ZNG1E: variants seen among roughly 807,000 people sequenced by gnomAD.
The protein encoded by ZNG1E is zinc-regulated GTPase metalloprotein activator 1E.
chr9:65,731,601 G>A, the ZNG1E span: 1 of 1,571,454 alleles, frequency 6.4e-7, no homozygotes, highest in East Asian at 2.2e-5. Context: ...TTACTATAAA[G>A]AATTATTATT....
At chr9:65,678,941 A>C in the ZNG1E span, among the ~76,000 whole-genome samples, 1 of 136,554 alleles carries the variant, frequency 7.3e-6, no homozygotes, top group Admixed American at 7.7e-5. Flanking sequence ...AACTGTTTCA[A>C]CTTGTAGGAG....
the ZNG1E span, among the ~76,000 whole-genome samples, chr9:65,721,032 A>C: frequency 6.6e-6 from 1 of 150,684 alleles, no homozygotes; most frequent in African/African-American, 2.5e-5. Context: ...ATAGTTGAAC[A>C]TGAAGCACAT....
At chr9:65,687,828 T>C in the ZNG1E span, among the ~76,000 whole-genome samples, 1 of 150,778 alleles carries the variant, frequency 6.6e-6, no homozygotes, top group Non-Finnish European at 1.5e-5. Context: ...GCCTGAGAGT[T>C]TTCTTCTTTA....
the ZNG1E span, among the ~76,000 whole-genome samples, chr9:65,657,731 A>G: frequency 6.6e-6 from 1 of 152,282 alleles, no homozygotes; most frequent in Non-Finnish European, 1.5e-5. Flanking sequence ...CATGTTAGTT[A>G]CACAAAAAAA....
chr9:65,717,991 C>T, the ZNG1E span, among the ~76,000 whole-genome samples: 10 of 143,016 alleles, frequency 7.0e-5, no homozygotes, highest in Admixed American at 3.5e-4. Flanking sequence ...TTGGCCTTTT[C>T]TTTTTTTTAT....
chr9:65,664,691 A>T, the ZNG1E span, among the ~76,000 whole-genome samples: 1 of 151,892 alleles, frequency 6.6e-6, no homozygotes, highest in African/African-American at 2.4e-5. Flanking sequence ...CAACAAGCAG[A>T]GGTTGGAACA....
At chr9:65,657,966 G>A in the ZNG1E span, among the ~76,000 whole-genome samples, 3 of 152,272 alleles carry the variant, frequency 2.0e-5, no homozygotes, top group African/African-American at 4.8e-5. Flanking sequence ...GGGCATGGCG[G>A]CTCATTCCTG....
chr9:65,714,988 TC>T, the ZNG1E span, among the ~76,000 whole-genome samples: 1 of 149,864 alleles, frequency 6.7e-6, no homozygotes, highest in African/African-American at 2.5e-5. Context: ...CGGGCGCCCC[TC>T]CCCCAGCCTC....
At chr9:65,717,312 A>G in the ZNG1E span, among the ~76,000 whole-genome samples, 1 of 149,410 alleles carries the variant, frequency 6.7e-6, no homozygotes, top group Non-Finnish European at 1.5e-5. Flanking sequence ...GTTCATTTAA[A>G]AATGGTCTTT....
chr9:65,712,720 T>C, the ZNG1E span, among the ~76,000 whole-genome samples: 4 of 125,172 alleles, frequency 3.2e-5, no homozygotes, highest in Admixed American at 2.5e-4. Flanking sequence ...GTCTGAGAGA[T>C]AGTTTGTTAT....
chr9:65,691,084 T>G, the ZNG1E span: 3,126 of 1,591,774 alleles, frequency 2.0e-3, 7 homozygotes, highest in African/African-American at 0.014. Context: ...TTTTGTTTTT[T>G]TTTTTCTGAG....
chr9:65,662,983 C>T, the ZNG1E span, among the ~76,000 whole-genome samples: 190 of 152,284 alleles, frequency 1.2e-3, no homozygotes, highest in African/African-American at 4.3e-3. Context: ...CTGGTTATTA[C>T]TCTGCTCATT....
At chr9:65,656,735 G>A in the ZNG1E span, among the ~76,000 whole-genome samples, 1 of 152,290 alleles carries the variant, frequency 6.6e-6, no homozygotes, top group South Asian at 2.1e-4. Context: ...AAATTTATGG[G>A]AACATTTATA....
the ZNG1E span, among the ~76,000 whole-genome samples, chr9:65,659,432 T>C: frequency 1.3e-5 from 2 of 150,392 alleles, no homozygotes; most frequent in African/African-American, 4.9e-5. Flanking sequence ...GAGGTGGAGG[T>C]TGCAGTGAGC....
the ZNG1E span, among the ~76,000 whole-genome samples, chr9:65,680,933 T>C: frequency 0.02 from 2,696 of 137,028 alleles, 14 homozygotes; most frequent in African/African-American, 0.058. Flanking sequence ...GGACTACAGG[T>C]GCCCGCTACC....
chr9:65,690,978 T>C, the ZNG1E span: 4 of 1,604,098 alleles, frequency 2.5e-6, no homozygotes, highest in South Asian at 3.3e-5. Flanking sequence ...TGCAGTGACT[T>C]CTATGTTTTG....
chr9:65,667,890 G>A, the ZNG1E span, among the ~76,000 whole-genome samples: 562 of 133,452 alleles, frequency 4.2e-3, no homozygotes, highest in African/African-American at 0.015. Context: ...CAGCTACTTG[G>A]GAGGCTGAGG....
chr9:65,684,719 G>A, the ZNG1E span, among the ~76,000 whole-genome samples: 236 of 150,406 alleles, frequency 1.6e-3, no homozygotes, highest in African/African-American at 5.5e-3. Context: ...CTACTGAATC[G>A]GAATCTCTAA....
the ZNG1E span, among the ~76,000 whole-genome samples, chr9:65,662,089 G>A: frequency 6.6e-5 from 10 of 152,224 alleles, no homozygotes; most frequent in South Asian, 2.1e-4. Flanking sequence ...TCTAGTAAAA[G>A]CACAGGTGGA....
Sources: gnomAD v4.1 joint callset for allele counts (sites outside exome capture counted in the v4.1 genomes callset) on GRCh38, gnomAD v4.1.1 for gene constraint, MANE v1.5 for transcripts, NCBI Gene and HGNC (gene_info 2026-07-23, HGNC 2026-07-21) for gene names.